TNFSF4: variants seen among roughly 807,000 people sequenced by gnomAD.
TNFSF4 encodes tumor necrosis factor ligand superfamily member 4.
In TNFSF4, 4 loss-of-function variants were observed where a neutral mutation model predicts 7.3. The ratio of observed to expected loss-of-function variants is 0.55; its 90% CI spans 0.27 to 1.25. The LOEUF (loss-of-function observed/expected upper bound fraction) is 1.25, where lower values mean the gene tolerates loss of function less well. Ranked by LOEUF, TNFSF4 falls within the 50% of genes most tolerant of loss-of-function variation. The pLI is 0.12. For synonymous variants in TNFSF4, 76 were observed against 83.7 expected (o/e 0.91, Z 0.50); for missense variants, 181 against 208.8 (o/e 0.87, Z 0.82).
At position 173,186,252 on chromosome 1, in the gene TNFSF4, G is replaced by A; in HGVS notation, c.*264C>T. On this transcript the variant is annotated 3_prime_UTR_variant, in exon 3 of 3. Transcript: ENST00000281834. Reference sequence around the variant, plus strand: ...GCATCTATTTTTTCTTTCTCACAAAGGTGCCTAGTAGGCTCAAGGCAATCT... The same window carrying A: ...GCATCTATTTTTTCTTTCTCACAAAAGTGCCTAGTAGGCTCAAGGCAATCT... 2.7e-6 allele frequency: 1 copy of A among 364,466 alleles called. No homozygotes were observed. The highest frequency in any genetic ancestry group is 4.9e-6 in the Non-Finnish European group (1 of 202,466). 22.6% of individuals were successfully genotyped at this position (364,466 alleles called of 1,614,324 possible).
At chr1:173,353,935 A>C in the TNFSF4 span, among the ~76,000 whole-genome samples, 1 of 152,178 alleles carries the variant, frequency 6.6e-6, no homozygotes, top group African/African-American at 2.4e-5. Flanking sequence ...CTAGAAAAAC[A>C]AGAGCAAACA....
the TNFSF4 span, among the ~76,000 whole-genome samples, chr1:173,244,439 G>A: frequency 6.6e-6 from 1 of 151,764 alleles, no homozygotes; most frequent in Admixed American, 6.6e-5. Flanking sequence ...TCAGGAGATC[G>A]AGACCATCCC....
intron 1 of TNFSF4, among the ~76,000 whole-genome samples, chr1:173,194,880 C>CA (rs11406483): frequency 0.31 from 23,130 of 73,856 alleles, 2,751 homozygotes; most frequent in Middle Eastern, 0.46. Flanking sequence ...GAACTTGTCT[C>CA]AAAAAAAAAA....
the TNFSF4 span, among the ~76,000 whole-genome samples, chr1:173,298,108 C>G: frequency 6.6e-6 from 1 of 151,664 alleles, no homozygotes; most frequent in African/African-American, 2.4e-5. Flanking sequence ...AAAATGAGAC[C>G]AAAGCAACCA....
At chr1:173,286,766 G>A in the TNFSF4 span, among the ~76,000 whole-genome samples, 1 of 152,094 alleles carries the variant, frequency 6.6e-6, no homozygotes, top group South Asian at 2.1e-4. Context: ...AATCAAGCAT[G>A]TGTTGATCAA....
chr1:173,412,516 A>G, the TNFSF4 span, among the ~76,000 whole-genome samples: 3 of 152,280 alleles, frequency 2.0e-5, no homozygotes, highest in East Asian at 1.9e-4. Flanking sequence ...TTGAACTAAT[A>G]TTCCTAAAAA....
At chr1:173,274,124 TACAC>T in the TNFSF4 span, among the ~76,000 whole-genome samples, 60 of 145,488 alleles carry the variant, frequency 4.1e-4, no homozygotes, top group Admixed American at 1.8e-3. Flanking sequence ...TCCATGTTCA[TACAC>T]ACACACACAC....
the TNFSF4 span, among the ~76,000 whole-genome samples, chr1:173,277,140 GCAC>G: frequency 6.6e-6 from 1 of 152,114 alleles, no homozygotes; most frequent in Admixed American, 6.6e-5. Flanking sequence ...AAAGAAAGCA[GCAC>G]GTGGTTTCAT....
chr1:173,248,082 G>A, the TNFSF4 span, among the ~76,000 whole-genome samples: 10 of 152,036 alleles, frequency 6.6e-5, no homozygotes, highest in South Asian at 2.1e-4. Flanking sequence ...CAGGCCAGGC[G>A]CAGTGGCTCG....
the TNFSF4 span, among the ~76,000 whole-genome samples, chr1:173,395,030 A>AGATT: frequency 1.1e-5 from 1 of 90,974 alleles, no homozygotes; most frequent in Non-Finnish European, 2.3e-5. Flanking sequence ...ATAGATAGAT[A>AGATT]GATAGATGAT....
chr1:173,310,416 C>A, the TNFSF4 span, among the ~76,000 whole-genome samples: 1 of 151,772 alleles, frequency 6.6e-6, no homozygotes, highest in Non-Finnish European at 1.5e-5. Context: ...CAGGGGTATT[C>A]AGAAATATAT....
upstream of TNFSF4, among the ~76,000 whole-genome samples, chr1:173,207,664 G>C (rs775092317): frequency 2.6e-5 from 4 of 152,092 alleles, no homozygotes; most frequent in Non-Finnish European, 5.9e-5. Context: ...GGGAAATGCT[G>C]GCCCAAGGTT....
chr1:173,376,556 A>G, the TNFSF4 span, among the ~76,000 whole-genome samples: 8 of 152,148 alleles, frequency 5.3e-5, no homozygotes, highest in African/African-American at 1.2e-4. Context: ...AAACACACCA[A>G]TCAGTGCTCT....
At chr1:173,367,815 T>C in the TNFSF4 span, among the ~76,000 whole-genome samples, 1 of 151,454 alleles carries the variant, frequency 6.6e-6, no homozygotes, top group Non-Finnish European at 1.5e-5. Context: ...ATGTGGCCTA[T>C]GAGGGCCTGC....
chr1:173,378,293 T>C, the TNFSF4 span, among the ~76,000 whole-genome samples: 1 of 151,004 alleles, frequency 6.6e-6, no homozygotes, highest in Non-Finnish European at 1.5e-5. Flanking sequence ...CCAGGGACCA[T>C]TGCAGGTTCT....
At chr1:173,449,992 A>G in the TNFSF4 span, among the ~76,000 whole-genome samples, 2 of 152,170 alleles carry the variant, frequency 1.3e-5, no homozygotes, top group Non-Finnish European at 2.9e-5. Context: ...TGAAACTAAA[A>G]GTTGATTATT....
the TNFSF4 span, among the ~76,000 whole-genome samples, chr1:173,432,634 C>G: frequency 3.3e-5 from 5 of 151,804 alleles, 1 homozygote; most frequent in South Asian, 8.3e-4. Flanking sequence ...TGTGTACATT[C>G]TTTTATGGCA....
the TNFSF4 span, among the ~76,000 whole-genome samples, chr1:173,237,186 C>T: frequency 2.0e-5 from 3 of 152,078 alleles, no homozygotes; most frequent in Non-Finnish European, 4.4e-5. Flanking sequence ...TGGAATTGTG[C>T]GTCCATTAAA....
chr1:173,364,721 T>C, the TNFSF4 span, among the ~76,000 whole-genome samples: 1 of 152,084 alleles, frequency 6.6e-6, no homozygotes, highest in African/African-American at 2.4e-5. Flanking sequence ...CTCTTTGGTC[T>C]CTCCCACTCT....
Sources: allele counts gnomAD v4.1 joint callset (sites outside exome capture counted in the v4.1 genomes callset), GRCh38; gene constraint gnomAD v4.1.1; transcripts MANE v1.5; gene names NCBI Gene and HGNC (gene_info 2026-07-23, HGNC 2026-07-21).